LPAR6: variants seen among roughly 807,000 people sequenced by gnomAD.
LPAR6 encodes the protein G-protein coupled purinergic receptor P2Y5.
In LPAR6, 17 loss-of-function variants were observed where a neutral mutation model predicts 22.0. The observed-to-expected ratio is 0.77, with a 90% CI of 0.53 to 1.16. The LOEUF (loss-of-function observed/expected upper bound fraction) is 1.16, where lower values mean the gene tolerates loss of function less well. Among genes scored for constraint, LPAR6 ranks in the 50% most tolerant of loss-of-function variants. The probability of loss-of-function intolerance (pLI) is 0.00; values close to 1 mark genes in which losing one functional copy is unlikely to be tolerated. For missense variants in LPAR6, 384 were observed against 406.9 expected (o/e 0.94, Z 0.48); for synonymous variants, 136 against 139.8 (o/e 0.97, Z 0.19).
intron 1 of LPAR6, among the ~76,000 whole-genome samples, chr13:48,425,230 G>T (rs1302571974): frequency 3.3e-5 from 5 of 152,124 alleles, no homozygotes; most frequent in Admixed American, 3.3e-4. Flanking sequence ...TAAATTTCAG[G>T]TCTTGAAGGC....
At chr13:48,413,983 G>A (rs939634389), upstream of LPAR6, among the ~76,000 whole-genome samples, 7 of 151,928 alleles carry the variant, frequency 4.6e-5, no homozygotes, top group African/African-American at 1.2e-4. Context: ...ACTATATATT[G>A]AAATATATTT....
At chr13:48,407,720 T>C (rs1948752704), downstream of LPAR6, among the ~76,000 whole-genome samples, 1 of 152,194 alleles carries the variant, frequency 6.6e-6, no homozygotes, top group Admixed American at 6.5e-5. Flanking sequence ...AGAAGCCATG[T>C]TATAAATGGG....
chr13:48,410,075 A>G (rs1488241986), downstream of LPAR6, among the ~76,000 whole-genome samples: 1 of 152,160 alleles, frequency 6.6e-6, no homozygotes, highest in African/African-American at 2.4e-5. Context: ...AATCATTTTG[A>G]CGTACAATAA....
Position 48,411,530 on chromosome 13 carries a change from A to G in LPAR6, c.894T>C (p.Ile298=). Residue 298 remains isoleucine, a synonymous_variant, in exon 1 of 1, where the codon ATT becomes ATC. Coordinates refer to ENST00000620633, the MANE Select transcript of LPAR6 (RefSeq NM_001162498.3). ...AGTTTTTCATTTTTATTGAATTCTG[A>G]ATTGTGTCCGATGTAAAGTAGTAAA... The part of the protein sequence containing the change: ...PIVYYFTSDT[I]QNSIKMKNWS... 6.2e-7 allele frequency: 1 copy of G among 1,613,420 alleles called. No homozygotes were observed. The highest frequency in any genetic ancestry group is 2.2e-5 in the East Asian group (1 of 44,816).
At chr13:48,429,423 C>T (rs553840720), upstream of LPAR6, 1 of 152,340 alleles carries the variant, frequency 6.6e-6, no homozygotes, top group East Asian at 1.9e-4. Flanking sequence ...GAGCAGGGGA[C>T]TACCAGGTTG....
chr13:48,409,864 C>T (rs897716730), downstream of LPAR6, among the ~76,000 whole-genome samples: 4 of 152,006 alleles, frequency 2.6e-5, no homozygotes, highest in African/African-American at 9.7e-5. Flanking sequence ...CAGGTGTGAA[C>T]CACCGTGCCC....
intron 2 of LPAR6, among the ~76,000 whole-genome samples, chr13:48,421,388 A>G (rs1332495931): frequency 6.6e-6 from 1 of 152,226 alleles, no homozygotes; most frequent in Non-Finnish European, 1.5e-5. Flanking sequence ...AAAGAGTTAA[A>G]TGTAAGACCT....
intron 1 of LPAR6, among the ~76,000 whole-genome samples, chr13:48,403,571 A>G (rs981287642): frequency 6.6e-6 from 1 of 152,190 alleles, no homozygotes; most frequent in African/African-American, 2.4e-5. Context: ...AGTAGCAGAT[A>G]CAGAGAGTGG....
chr13:48,432,481 G>C (rs1949140446), intron 1 of LPAR6, among the ~76,000 whole-genome samples: 1 of 151,474 alleles, frequency 6.6e-6, no homozygotes, highest in Non-Finnish European at 1.5e-5. Context: ...TTCTCGGAGA[G>C]TAGCTGTCTC....
intron 1 of LPAR6, among the ~76,000 whole-genome samples, chr13:48,396,051 C>T (rs920189947): frequency 1.3e-5 from 2 of 152,048 alleles, no homozygotes; most frequent in Non-Finnish European, 2.9e-5. Flanking sequence ...AAAATTATAG[C>T]GTGAAAATGG....
chr13:48,404,289 A>C (rs1163921762), intron 1 of LPAR6: 3 of 152,222 alleles, frequency 2.0e-5, no homozygotes, highest in African/African-American at 7.2e-5. Flanking sequence ...TAGGAAAGGC[A>C]GTTCTTCCTA....
At chr13:48,433,423 T>C (rs1418737287) in intron 1 of LPAR6, among the ~76,000 whole-genome samples, 1 of 152,154 alleles carries the variant, frequency 6.6e-6, no homozygotes, top group Non-Finnish European at 1.5e-5. Context: ...GAATTGGGAT[T>C]CTGTTGCCTT....
At chr13:48,438,995 A>G (rs904577522) in intron 1 of LPAR6, among the ~76,000 whole-genome samples, 1 of 152,202 alleles carries the variant, frequency 6.6e-6, no homozygotes, top group Admixed American at 6.5e-5. Flanking sequence ...AATTGTGGCC[A>G]GTGGAACTAA....
intron 1 of LPAR6, among the ~76,000 whole-genome samples, chr13:48,399,915 T>C (rs1394839060): frequency 1.3e-5 from 2 of 152,020 alleles, no homozygotes; most frequent in Non-Finnish European, 2.9e-5. Flanking sequence ...TAGAGAAATA[T>C]TCATAACTTG....
upstream of LPAR6, among the ~76,000 whole-genome samples, chr13:48,417,480 G>T (rs9568039): frequency 4.2e-4 from 64 of 152,202 alleles, no homozygotes; most frequent in East Asian, 0.011. Flanking sequence ...AAAAACCAGC[G>T]CAAAAAGGCT....
intron 2 of LPAR6, among the ~76,000 whole-genome samples, chr13:48,419,455 C>T (rs750933048): frequency 1.3e-5 from 2 of 151,810 alleles, no homozygotes; most frequent in Non-Finnish European, 2.9e-5. Flanking sequence ...AAATTGACAC[C>T]CTAACATCAC....
At position 48,411,670 on chromosome 13, in the gene LPAR6, A is replaced by G. The variant is rs1259073636; in HGVS notation, c.754T>C (p.Tyr252His). Residue 252 changes from tyrosine to histidine, a missense_variant, in exon 1 of 1, where the codon TAT (tyrosine) becomes CAT (histidine). Physicochemically the swap from Tyr to His is moderately conservative, Grantham distance 83. Coordinates refer to ENST00000620633, the MANE Select transcript of LPAR6 (RefSeq NM_001162498.3). ...FVPYNINLILYSLVRTQTFVN... is the reference protein window; with the variant it reads ...FVPYNINLILHSLVRTQTFVN... ...AATGTTTGTGTTCTCACAAGAGAATATAAAATAAGATTGATATTGTAAGGA... is the reference window on the plus strand; with the variant it reads ...AATGTTTGTGTTCTCACAAGAGAATGTAAAATAAGATTGATATTGTAAGGA... 2 of 1,611,054 alleles carry G rather than the reference A, an allele frequency of 1.2e-6. No individual in the cohort carries two copies. The highest frequency in any genetic ancestry group is 1.3e-5 in the African/African-American group (1 of 74,974).
intron 2 of LPAR6, among the ~76,000 whole-genome samples, chr13:48,420,752 CAGAG>C (rs1402099001): frequency 1.3e-4 from 20 of 152,100 alleles, no homozygotes; most frequent in Non-Finnish European, 2.9e-4. Context: ...AATAGACAAA[CAGAG>C]AGCCAAATCA....
Position 48,412,040 on chromosome 13 carries a change from T to G in LPAR6, c.384A>C (p.Arg128Ser), listed in dbSNP as rs758927137. ...IVYPFKSKTL[R>S]TKRNAKIVCT... ...AAACAATCTTTGCATTTCTTTTGGT[T>G]CTTAGAGTCTTTGACTTAAATGGGT... The change falls in exon 1 of 1, where the codon AGA (arginine) becomes AGC (serine). Residue 128 changes from arginine to serine, a missense_variant. Coordinates refer to ENST00000620633, the MANE Select transcript of LPAR6 (RefSeq NM_001162498.3). 8.7e-6 allele frequency: 14 copies of G among 1,613,314 alleles called. No individual in the cohort carries two copies. Among genetic ancestry groups the G allele is most frequent in the Non-Finnish European group, 1.0e-5 (12 of 1,179,700 alleles).
Sources: gnomAD v4.1 joint callset for allele counts (sites outside exome capture counted in the v4.1 genomes callset) on GRCh38, gnomAD v4.1.1 for gene constraint, MANE v1.5 for transcripts, NCBI Gene and HGNC (gene_info 2026-07-23, HGNC 2026-07-21) for gene names.